Variants in C1orf185 observed in about 807,000 individuals in gnomAD.
The protein encoded by C1orf185 is uncharacterized protein C1orf185.
A neutral mutation model predicts 16.1 loss-of-function variants in C1orf185; 13 were observed. That is an observed-to-expected ratio of 0.81 (90% CI 0.53 to 1.28). The LOEUF (loss-of-function observed/expected upper bound fraction) is 1.28. C1orf185 is among the 50% of genes most tolerant of loss of function. The pLI, the probability that C1orf185 is intolerant of heterozygous loss-of-function variation, is 0.00. For missense variants in C1orf185, 220 were observed against 225.2 expected (o/e 0.98, Z 0.15); for synonymous variants, 80 against 76.9 (o/e 1.04, Z -0.21).
chr1:51,115,362 T>A (rs756952501), intron 2 of C1orf185, among the ~76,000 whole-genome samples: 2 of 152,172 alleles, frequency 1.3e-5, no homozygotes, highest in Non-Finnish European at 1.5e-5. Flanking sequence ...ATTTTTAGAT[T>A]CATTTATATT....
chr1:51,112,047 C>A (rs1181750670), intron 1 of C1orf185, among the ~76,000 whole-genome samples: 1 of 151,956 alleles, frequency 6.6e-6, no homozygotes, highest in African/African-American at 2.4e-5. Flanking sequence ...TCTTATCTGC[C>A]TCCTTATAGA....
chr1:51,127,453 A>C (rs529042176), intron 3 of C1orf185, among the ~76,000 whole-genome samples: 1 of 152,024 alleles, frequency 6.6e-6, no homozygotes, highest in African/African-American at 2.4e-5. Flanking sequence ...AAGCCCAGCT[A>C]ATTTTGTATT....
chr1:51,113,231 C>A (rs1330403424), intron 2 of C1orf185, among the ~76,000 whole-genome samples: 1 of 151,862 alleles, frequency 6.6e-6, no homozygotes, highest in African/African-American at 2.4e-5. Flanking sequence ...GAAACTTTTT[C>A]TTTAGGAGAT....
chr1:51,141,715 C>A (rs970858188), intron 3 of C1orf185, among the ~76,000 whole-genome samples: 2 of 152,064 alleles, frequency 1.3e-5, no homozygotes, highest in African/African-American at 4.8e-5. Flanking sequence ...ATATTCTTTT[C>A]CTTCACTCCT....
chr1:51,110,745 A>G (rs1417942132), intron 1 of C1orf185, among the ~76,000 whole-genome samples: 1 of 152,040 alleles, frequency 6.6e-6, no homozygotes, highest in Non-Finnish European at 1.5e-5. Context: ...GAGGTGGGTG[A>G]ATCACTTGAG....
intron 3 of C1orf185, among the ~76,000 whole-genome samples, chr1:51,141,736 G>A (rs973140937): frequency 2.6e-5 from 4 of 152,152 alleles, no homozygotes; most frequent in Non-Finnish European, 5.9e-5. Context: ...TAATACTTCA[G>A]TGTACATACT....
At chr1:51,118,538 A>C in intron 2 of C1orf185, 128 bp from the exon 3 acceptor site, 1 of 564,848 alleles carries the variant, frequency 1.8e-6, no homozygotes, top group Admixed American at 4.2e-5. Context: ...TGTGCTTTTA[A>C]AAATAAATAT....
intron 2 of C1orf185, among the ~76,000 whole-genome samples, chr1:51,117,972 G>A (rs943470792): frequency 6.6e-6 from 1 of 152,166 alleles, no homozygotes; most frequent in East Asian, 1.9e-4. Context: ...GGAGTGTAGT[G>A]ATACAATCTA....
chr1:51,110,675 G>T (rs1313388714), intron 1 of C1orf185, among the ~76,000 whole-genome samples: 2 of 152,028 alleles, frequency 1.3e-5, no homozygotes, highest in Non-Finnish European at 2.9e-5. Context: ...TCCTATGAAA[G>T]CTTTCTTTCT....
chr1:51,122,338 G>A (rs773729921), intron 3 of C1orf185, among the ~76,000 whole-genome samples: 7 of 152,114 alleles, frequency 4.6e-5, no homozygotes, highest in African/African-American at 1.2e-4. Flanking sequence ...ATATATATAA[G>A]TGCACAGATT....
At chr1:51,121,050 TG>T (rs1286051980) in intron 3 of C1orf185, among the ~76,000 whole-genome samples, 2 of 152,232 alleles carry the variant, frequency 1.3e-5, no homozygotes, top group Admixed American at 6.5e-5. Context: ...CTTTGTGGAA[TG>T]GCTAAATAAT....
chr1:51,130,351 C>CTT (rs113969943), intron 3 of C1orf185, among the ~76,000 whole-genome samples: 41 of 143,416 alleles, frequency 2.9e-4, no homozygotes, highest in African/African-American at 9.1e-4. Context: ...TTCTTTCTTT[C>CTT]TTTTTTTTTT....
intron 3 of C1orf185, among the ~76,000 whole-genome samples, chr1:51,139,826 C>A (rs1431793617): frequency 6.6e-6 from 1 of 152,174 alleles, no homozygotes; most frequent in African/African-American, 2.4e-5. Context: ...AGGTTTATTT[C>A]TCACATTACA....
Position 51,147,604 on chromosome 1 carries a change from A to G in C1orf185, c.433A>G (p.Ser145Gly). Residue 145 changes from serine to glycine, a missense_variant, in exon 5 of 5, where the codon AGC (serine) becomes GGC (glycine). Transcript: ENST00000371759. ...AACATTACCATCTGATTCTTATTAC[A>G]GCCAAAGTATAGAAGCAGCTGATGA... ...LSTLPSDSYY[S>G]QSIEAADDWF... The G allele has an allele frequency of 6.4e-7, 1 of 1,551,598 alleles. No homozygotes were observed. The highest frequency in any genetic ancestry group is 8.7e-7 in the Non-Finnish European group (1 of 1,146,934).
intron 3 of C1orf185, among the ~76,000 whole-genome samples, chr1:51,133,336 G>C (rs1270030617): frequency 6.6e-6 from 1 of 152,014 alleles, no homozygotes; most frequent in East Asian, 1.9e-4. Flanking sequence ...CAATACACAG[G>C]CTCAAAATAA....
intron 3 of C1orf185, among the ~76,000 whole-genome samples, chr1:51,127,622 T>C (rs1646251474): frequency 6.6e-6 from 1 of 152,076 alleles, no homozygotes; most frequent in Admixed American, 6.6e-5. Context: ...TTTTTATCTG[T>C]TCCTAAATTA....
At chr1:51,112,178 C>G (rs1208630972) in intron 1 of C1orf185, among the ~76,000 whole-genome samples, 2 of 150,624 alleles carry the variant, frequency 1.3e-5, no homozygotes, top group Non-Finnish European at 1.5e-5. Flanking sequence ...AAACAGATAA[C>G]AAGGTGGTGG....
chr1:51,109,658 C>T lies in C1orf185; in HGVS notation c.17-2806C>T, dbSNP rs182954500. ...TCCCCACAAGAGGTTGTTCTTTCTC[C>T]GGTGAGTGTTCCTGGCACTTTGGCA... On this transcript the variant is annotated intron_variant, in intron 1 of 4. Coordinates refer to ENST00000371759, the MANE Select transcript of C1orf185 (RefSeq NM_001136508.2). Among the ~76,000 whole-genome samples the T allele has an allele frequency of 5.3e-5, 8 of 152,118 alleles. No homozygotes were observed. The East Asian group carries it at 9.6e-4, about 18-fold the overall frequency.
At chr1:51,145,899 G>A (rs1646395664) in intron 4 of C1orf185, 139 bp downstream of exon 4, 3 of 402,888 alleles carry the variant, frequency 7.4e-6, no homozygotes, top group Non-Finnish European at 1.3e-5. Context: ...TAATTTATTA[G>A]TATGTAAAAG....
Sources: gnomAD v4.1 joint callset for allele counts (sites outside exome capture counted in the v4.1 genomes callset) on GRCh38, gnomAD v4.1.1 for gene constraint, MANE v1.5 for transcripts, NCBI Gene and HGNC (gene_info 2026-07-23, HGNC 2026-07-21) for gene names.